LRRC17: variants seen among roughly 807,000 people sequenced by gnomAD.
LRRC17 encodes leucine rich repeat containing 17, also known as leucine-rich repeat-containing protein 17.
LRRC17 carries 33 observed loss-of-function variants against 41.5 expected under a neutral mutation model. The ratio of observed to expected loss-of-function variants is 0.80; its 90% CI spans 0.60 to 1.06. The LOEUF (loss-of-function observed/expected upper bound fraction) is 1.06. Among genes scored for constraint, LRRC17 ranks in the 50% least tolerant of loss-of-function variants. The probability of loss-of-function intolerance (pLI) is 0.00; values close to 1 mark genes in which losing one functional copy is unlikely to be tolerated. For synonymous variants in LRRC17, 192 were observed against 197.0 expected, an observed-to-expected ratio of 0.97 and a Z score of 0.21; for missense variants, 491 against 519.3, an observed-to-expected ratio of 0.95 and a Z score of 0.53.
chr7:102,942,253 A>T, intron 3 of LRRC17: 1 of 1,550,902 alleles, frequency 6.4e-7, no homozygotes, highest in Non-Finnish European at 8.8e-7. Flanking sequence ...AAAATGACCT[A>T]AAGAAGTTTT....
At chr7:102,919,371 C>T (rs569063535) in intron 1 of LRRC17, among the ~76,000 whole-genome samples, 1 of 152,122 alleles carries the variant, frequency 6.6e-6, no homozygotes, top group South Asian at 2.1e-4. Flanking sequence ...AAAATCGGAT[C>T]TAAAAATAAA....
Position 102,939,687 on chromosome 7 carries a change from A to C in LRRC17, c.928+102A>C, listed in dbSNP as rs998641416. On this transcript the variant is annotated intron_variant, in intron 3 of 3. Coordinates refer to ENST00000339431, the MANE Select transcript of LRRC17 (RefSeq NM_001031692.3). ...GTAAATTCAGTTTAAAAGTAACTGA[A>C]CTAAATAATAAAGTACAAGTTTTAA... 5.7e-6 allele frequency: 6 copies of C among 1,050,050 alleles called. No individual in the cohort carries two copies. In the African/African-American group the frequency reaches 7.9e-5, roughly 14 times the overall value. The allele number at this position is 1,050,050 out of a possible 1,614,324, so 65.0% of individuals were successfully genotyped here.
chr7:102,919,351 G>A (rs770362107), intron 1 of LRRC17, among the ~76,000 whole-genome samples: 10 of 152,044 alleles, frequency 6.6e-5, no homozygotes, highest in Non-Finnish European at 1.5e-4. Flanking sequence ...CAACTTTGAA[G>A]GACAGGAATA....
chr7:102,927,946 A>C (rs1818448591), intron 1 of LRRC17, among the ~76,000 whole-genome samples: 1 of 152,230 alleles, frequency 6.6e-6, no homozygotes, highest in African/African-American at 2.4e-5. Context: ...ACCTTGGCAA[A>C]ATGCAAATGA....
chr7:102,927,974 A>T, intron 1 of LRRC17, among the ~76,000 whole-genome samples: 1 of 152,230 alleles, frequency 6.6e-6, no homozygotes, highest in Non-Finnish European at 1.5e-5. Flanking sequence ...CAAGGAAAGG[A>T]GAAAGAGCTC....
At chr7:102,944,061 A>C (rs1178915028) in intron 3 of LRRC17, 149 bp from the exon 4 acceptor site, 10 of 623,208 alleles carry the variant, frequency 1.6e-5, no homozygotes, top group Admixed American at 3.5e-5. Context: ...TCTAAAGTAA[A>C]AGCTCTGAGA....
At chr7:102,919,752 C>A (rs556395530) in intron 1 of LRRC17, among the ~76,000 whole-genome samples, 1 of 152,260 alleles carries the variant, frequency 6.6e-6, no homozygotes, top group African/African-American at 2.4e-5. Flanking sequence ...TGTTTATCCT[C>A]CAAGATAATA....
intron 1 of LRRC17, among the ~76,000 whole-genome samples, chr7:102,917,518 G>A (rs536316897): frequency 6.6e-6 from 1 of 152,260 alleles, no homozygotes; most frequent in African/African-American, 2.4e-5. Context: ...GGTAGATGGC[G>A]AGACTTAAGG....
At chr7:102,940,192 C>T (rs567711379) in intron 3 of LRRC17, among the ~76,000 whole-genome samples, 2 of 150,690 alleles carry the variant, frequency 1.3e-5, no homozygotes, top group South Asian at 4.2e-4. Context: ...CCGCGCCTGG[C>T]CAAATGTAGT....
At chr7:102,940,627 G>A (rs1174205003) in intron 3 of LRRC17, among the ~76,000 whole-genome samples, 2 of 152,158 alleles carry the variant, frequency 1.3e-5, no homozygotes, top group Admixed American at 1.3e-4. Flanking sequence ...CTCAAATTAG[G>A]ATAAAATGTG....
chr7:102,934,178 G>A lies in LRRC17; in HGVS notation c.265G>A (p.Ala89Thr). 6.2e-7 allele frequency: 1 copy of A among 1,614,226 alleles called. No individual in the cohort carries two copies. Among genetic ancestry groups the A allele is most frequent in the Non-Finnish European group, 8.5e-7 (1 of 1,180,040 alleles). The change falls in exon 2 of 4, where the codon GCA becomes ACA. Residue 89 changes from alanine (A) to threonine (T), a missense_variant. Transcript: ENST00000339431. ...WPQDLLHMLL[A>T]RNKIRTLKNN... is the part of the protein sequence containing the mutation. ...TCAGGATTTGCTGCACATGCTGCTA[G>A]CAAGAAACAAGATCCGCACATTGAA...
In LRRC17 at chr7:102,939,486, T is replaced by C; in HGVS notation, c.829T>C (p.Tyr277His). The change falls in exon 3 of 4, where the codon TAC becomes CAC. Residue 277 changes from tyrosine (Y) to histidine (H), a missense_variant. Coordinates refer to ENST00000339431, the MANE Select transcript of LRRC17 (RefSeq NM_001031692.3). ...PPDIVKLDLS[Y>H]NKINQLRPKE... ...AGATATTGTTAAACTTGACTTGTCATACAATAAAATCAACCAACTTCGACC... is the reference window on the plus strand; with the variant it reads ...AGATATTGTTAAACTTGACTTGTCACACAATAAAATCAACCAACTTCGACC... 1.2e-6 allele frequency: 2 copies of C among 1,613,926 alleles called. No individual in the cohort carries two copies. The highest frequency in any genetic ancestry group is 1.7e-6 in the Non-Finnish European group (2 of 1,179,892).
At chr7:102,920,096 G>A (rs967070971) in intron 1 of LRRC17, among the ~76,000 whole-genome samples, 2 of 152,202 alleles carry the variant, frequency 1.3e-5, no homozygotes, top group African/African-American at 4.8e-5. Context: ...GACAATTGAA[G>A]TGTATTAGAT....
chr7:102,934,225 T>A lies in LRRC17; in HGVS notation c.312T>A (p.Phe104Leu). The change falls in exon 2 of 4, where the codon TTT becomes TTA. Residue 104 changes from phenylalanine to leucine, a missense_variant. Coordinates refer to ENST00000339431, the MANE Select transcript of LRRC17 (RefSeq NM_001031692.3). ...RTLKNNMFSK[F>L]KKLKSLDLQQ... ...TGAAGAACAACATGTTTTCCAAGTTTAAAAAGCTGAAAAGCCTGGATCTGC... is the reference window on the plus strand; with the variant it reads ...TGAAGAACAACATGTTTTCCAAGTTAAAAAAGCTGAAAAGCCTGGATCTGC... The A allele has an allele frequency of 6.2e-7, 1 of 1,614,210 alleles. No individual in the cohort carries two copies. The highest frequency in any genetic ancestry group is 8.5e-7 in the Non-Finnish European group (1 of 1,180,032).
At chr7:102,920,507 A>T (rs1237884033) in intron 1 of LRRC17, among the ~76,000 whole-genome samples, 1 of 151,862 alleles carries the variant, frequency 6.6e-6, no homozygotes, top group Non-Finnish European at 1.5e-5. Flanking sequence ...ATGCCACCAC[A>T]CCCAACTAAT....
intron 1 of LRRC17, among the ~76,000 whole-genome samples, chr7:102,922,263 T>C (rs191992158): frequency 1.3e-5 from 2 of 152,002 alleles, no homozygotes; most frequent in African/African-American, 4.8e-5. Flanking sequence ...TATAGAATAG[T>C]TGGTTTAGAA....
intron 3 of LRRC17, among the ~76,000 whole-genome samples, chr7:102,940,789 G>A (rs1250596486): frequency 2.0e-5 from 3 of 152,290 alleles, no homozygotes; most frequent in Middle Eastern, 3.4e-3. Context: ...GGAAAGAACT[G>A]AGAATTACTG....
At chr7:102,926,285 T>C (rs1375579040) in intron 1 of LRRC17, 1 of 1,612,368 alleles carries the variant, frequency 6.2e-7, no homozygotes, top group African/African-American at 1.3e-5. Context: ...TCGGCAGGAG[T>C]CGCATCGTCC....
intron 1 of LRRC17, among the ~76,000 whole-genome samples, chr7:102,929,968 C>T (rs1010220829): frequency 2.6e-5 from 4 of 151,616 alleles, no homozygotes; most frequent in Admixed American, 6.6e-5. Context: ...TGGAAAGACC[C>T]GATAGCATTG....
Sources: gnomAD v4.1 joint callset for allele counts (sites outside exome capture counted in the v4.1 genomes callset) on GRCh38, gnomAD v4.1.1 for gene constraint, MANE v1.5 for transcripts, NCBI Gene and HGNC (gene_info 2026-07-23, HGNC 2026-07-21) for gene names.